ZNF438: variants seen among roughly 807,000 people sequenced by gnomAD.
ZNF438 encodes the protein zinc finger protein 438.
Under a neutral mutation model 38.0 loss-of-function variants are expected in ZNF438, and 25 were observed. The observed-to-expected ratio is 0.66, with a 90% CI of 0.48 to 0.92. The LOEUF (loss-of-function observed/expected upper bound fraction) is 0.92. Among genes scored for constraint, ZNF438 ranks in the 40% least tolerant of loss-of-function variants. The pLI is 0.00. For missense variants in ZNF438, 1,007 were observed against 999.6 expected, an observed-to-expected ratio of 1.01 and a Z score of -0.10; for synonymous variants, 372 against 364.1, an observed-to-expected ratio of 1.02 and a Z score of -0.25.
chr10:30,895,000 A>T (rs2041149033), intron 3 of ZNF438, among the ~76,000 whole-genome samples: 1 of 152,220 alleles, frequency 6.6e-6, no homozygotes, highest in African/African-American at 2.4e-5. Context: ...AAAATTTCTA[A>T]CTCGTCTCTG....
chr10:30,985,273 G>T (rs761738449), intron 1 of ZNF438, among the ~76,000 whole-genome samples: 4 of 152,160 alleles, frequency 2.6e-5, no homozygotes, highest in Admixed American at 2.0e-4. Flanking sequence ...CCTGCTCATG[G>T]CTAGCTTAAA....
chr10:30,915,588 G>T (rs1223245433), intron 2 of ZNF438, among the ~76,000 whole-genome samples: 1 of 151,724 alleles, frequency 6.6e-6, no homozygotes, highest in Non-Finnish European at 1.5e-5. Flanking sequence ...AATTTTCTCG[G>T]CAAGTTAATT....
exon 6 of ZNF438, chr10:30,844,956 G>C: frequency 6.2e-7 from 1 of 1,611,914 alleles, no homozygotes; most frequent in South Asian, 1.1e-5. Flanking sequence ...GGCTGCCTTG[G>C]GGTCTCATTT....
At chr10:31,032,091 G>T (rs1352004342), upstream of ZNF438, among the ~76,000 whole-genome samples, 1 of 152,218 alleles carries the variant, frequency 6.6e-6, no homozygotes, top group Non-Finnish European at 1.5e-5. Flanking sequence ...CTGCGGCGGC[G>T]ACTGCTCTAC....
At chr10:30,890,183 G>A (rs1263912172) in intron 3 of ZNF438, among the ~76,000 whole-genome samples, 1 of 151,458 alleles carries the variant, frequency 6.6e-6, no homozygotes, top group African/African-American at 2.4e-5. Context: ...ATCATTGACT[G>A]TTATAAAATG....
intron 3 of ZNF438, among the ~76,000 whole-genome samples, chr10:30,906,125 T>C (rs182277579): frequency 1.2e-3 from 181 of 152,346 alleles, no homozygotes; most frequent in African/African-American, 4.2e-3. Flanking sequence ...TCATAGAGAC[T>C]GCATTGAAAC....
intron 1 of ZNF438, among the ~76,000 whole-genome samples, chr10:30,961,160 A>T (rs2049419213): frequency 6.9e-6 from 1 of 145,578 alleles, no homozygotes. Context: ...AAAAAAAAAA[A>T]AAGTTTTTTT....
intron 1 of ZNF438, among the ~76,000 whole-genome samples, chr10:31,005,441 T>TA (rs2055036129): frequency 1.3e-5 from 2 of 152,052 alleles, no homozygotes; most frequent in Non-Finnish European, 1.5e-5. Context: ...TGTGGAATCT[T>TA]AAAAAAAGAA....
intron 1 of ZNF438, among the ~76,000 whole-genome samples, chr10:30,970,105 TACACACACACACACAC>T (rs55745286): frequency 1.4e-5 from 2 of 145,220 alleles, no homozygotes; most frequent in African/African-American, 2.5e-5. Context: ...TGCTGGCTGA[TACACACACACACACAC>T]ACACACACAC....
intron 1 of ZNF438, among the ~76,000 whole-genome samples, chr10:31,001,380 A>C (rs12242056): frequency 0.17 from 25,443 of 152,096 alleles, 4,810 homozygotes; most frequent in African/African-American, 0.47. Flanking sequence ...TTGGGGACCT[A>C]ATTCAGTCAC....
chr10:30,963,287 G>C (rs552009544), intron 1 of ZNF438, among the ~76,000 whole-genome samples: 117 of 150,786 alleles, frequency 7.8e-4, no homozygotes, highest in African/African-American at 2.6e-3. Flanking sequence ...AGCTACTCAG[G>C]AGGCTGAGGC....
chr10:30,945,441 G>A (rs1366754120), intron 1 of ZNF438, among the ~76,000 whole-genome samples: 1 of 147,310 alleles, frequency 6.8e-6, no homozygotes, highest in Admixed American at 6.8e-5. Flanking sequence ...TAAGTTTTAG[G>A]TGCACATTGT....
intron 3 of ZNF438, among the ~76,000 whole-genome samples, chr10:30,900,704 G>A (rs1259507860): frequency 1.3e-5 from 2 of 152,152 alleles, no homozygotes; most frequent in African/African-American, 2.4e-5. Flanking sequence ...TTGAAGACAC[G>A]TACTGGGTTC....
chr10:31,016,288 C>A (rs1019164623), intron 1 of ZNF438, among the ~76,000 whole-genome samples: 4 of 151,958 alleles, frequency 2.6e-5, no homozygotes, highest in Non-Finnish European at 5.9e-5. Context: ...AGTGTTGGTA[C>A]AATTAGACAA....
chr10:30,949,087 G>T (rs989193492), intron 1 of ZNF438, among the ~76,000 whole-genome samples: 2 of 152,144 alleles, frequency 1.3e-5, no homozygotes, highest in African/African-American at 2.4e-5. Flanking sequence ...GAGAGTGGGG[G>T]CCAATATTCA....
At chr10:30,965,747 G>A (rs2050044617) in intron 1 of ZNF438, among the ~76,000 whole-genome samples, 1 of 152,066 alleles carries the variant, frequency 6.6e-6, no homozygotes. Context: ...TAGACACCGG[G>A]GACTACTAGA....
At chr10:30,988,946 T>C (rs1210524728) in intron 1 of ZNF438, among the ~76,000 whole-genome samples, 1 of 152,166 alleles carries the variant, frequency 6.6e-6, no homozygotes, top group Non-Finnish European at 1.5e-5. Flanking sequence ...TTATAATTAG[T>C]TGACTTGAAA....
intron 1 of ZNF438, among the ~76,000 whole-genome samples, chr10:31,012,788 A>G (rs2055831738): frequency 6.6e-6 from 1 of 152,102 alleles, no homozygotes; most frequent in Admixed American, 6.5e-5. Context: ...CCAGAATCTG[A>G]TCTCCCAGAA....
intron 3 of ZNF438, among the ~76,000 whole-genome samples, chr10:30,908,294 T>A (rs146004156): frequency 3.3e-5 from 5 of 152,356 alleles, no homozygotes; most frequent in African/African-American, 1.2e-4. Flanking sequence ...TATGTCCTAA[T>A]AATCTATCCT....
Sources: allele counts gnomAD v4.1 joint callset (sites outside exome capture counted in the v4.1 genomes callset), GRCh38; gene constraint gnomAD v4.1.1; transcripts MANE v1.5; gene names NCBI Gene and HGNC (gene_info 2026-07-23, HGNC 2026-07-21).